CSMD1: variants seen among roughly 807,000 people sequenced by gnomAD.
The protein encoded by CSMD1 is CUB and Sushi multiple domains 1.
Under a neutral mutation model 417.5 loss-of-function variants are expected in CSMD1, and 213 were observed. The ratio of observed to expected loss-of-function variants is 0.51; its 90% CI spans 0.46 to 0.57. The LOEUF (loss-of-function observed/expected upper bound fraction) is 0.57. Among genes scored for constraint, CSMD1 ranks in the 20% least tolerant of loss-of-function variants. The pLI is 0.00. For synonymous variants in CSMD1, 2,862 were observed against 1,736.8 expected, an observed-to-expected ratio of 1.65 and a Z score of -16.11; for missense variants, 6,923 against 4,529.7, an observed-to-expected ratio of 1.53 and a Z score of -15.17.
intron 2 of CSMD1, among the ~76,000 whole-genome samples, chr8:4,542,120 A>C (rs1232563988): frequency 6.6e-6 from 1 of 151,974 alleles, no homozygotes. Context: ...CAATGAACTC[A>C]ACAGTTTGGG....
At chr8:4,031,824 A>G (rs1189716453) in intron 4 of CSMD1, 81 bp downstream of exon 4, 2 of 1,077,302 alleles carry the variant, frequency 1.9e-6, no homozygotes, top group Non-Finnish European at 2.6e-6. Context: ...TTTTCATTTA[A>G]GTGGAAACTT....
intron 3 of CSMD1, among the ~76,000 whole-genome samples, chr8:4,311,170 A>T (rs1266885119): frequency 6.6e-6 from 1 of 152,176 alleles, no homozygotes; most frequent in East Asian, 1.9e-4. Context: ...GTGGAATATA[A>T]ATCATTCCAC....
chr8:4,084,304 G>A (rs1228492758), intron 3 of CSMD1, among the ~76,000 whole-genome samples: 2 of 145,240 alleles, frequency 1.4e-5, no homozygotes, highest in African/African-American at 5.1e-5. Context: ...TATGAAAAAA[G>A]TGACAAAAAA....
intron 5 of CSMD1, among the ~76,000 whole-genome samples, chr8:3,850,006 T>TGTTGGCCAC (rs113153454): frequency 0.25 from 37,754 of 151,674 alleles, 5,739 homozygotes; most frequent in African/African-American, 0.44. Context: ...AGTTTCACGA[T>TGTTGGCCAC]GTTGGTCTCA....
intron 1 of CSMD1, among the ~76,000 whole-genome samples, chr8:4,899,891 G>T (rs1804755347): frequency 6.6e-6 from 1 of 152,156 alleles, no homozygotes; most frequent in Non-Finnish European, 1.5e-5. Context: ...AAGCCTTTCA[G>T]CTGCTCTGTC....
At chr8:3,670,625 T>C (rs888016773) in intron 7 of CSMD1, among the ~76,000 whole-genome samples, 1 of 148,414 alleles carries the variant, frequency 6.7e-6, no homozygotes, top group Non-Finnish European at 1.5e-5. Context: ...GGGATATATA[T>C]ATGGGATATT....
At chr8:3,660,637 C>A (rs1016292680) in intron 7 of CSMD1, among the ~76,000 whole-genome samples, 1 of 151,488 alleles carries the variant, frequency 6.6e-6, no homozygotes, top group African/African-American at 2.4e-5. Context: ...TCTCCTACCT[C>A]AGCCTCCTGA....
At chr8:3,074,294 C>T (rs1027482748) in intron 49 of CSMD1, among the ~76,000 whole-genome samples, 5 of 152,156 alleles carry the variant, frequency 3.3e-5, no homozygotes, top group Admixed American at 2.6e-4. Context: ...CTAGAAGAGC[C>T]CGTCTGGTGA....
Position 4,145,398 on chromosome 8 carries a change from G to C in CSMD1, c.416-113299C>G, listed in dbSNP as rs75548022. 4.4e-3 allele frequency among the ~76,000 whole-genome samples: 660 copies of C among 151,102 alleles called. 5 individuals are homozygous for C. Among genetic ancestry groups the C allele is most frequent in the Non-Finnish European group, 7.0e-3 (474 of 68,026 alleles). ...AACATTATATACTATAGTCTTCTTT[G>C]GGCAATTGTGACTTAATCTGGGAAA... is the stretch of plus-strand genomic sequence containing the variant. On this transcript the variant is annotated intron_variant, in intron 3 of 69. Coordinates refer to ENST00000635120, the MANE Select transcript of CSMD1 (RefSeq NM_033225.6).
intron 5 of CSMD1, among the ~76,000 whole-genome samples, chr8:3,810,830 C>G (rs1194857465): frequency 6.6e-6 from 1 of 152,128 alleles, no homozygotes; most frequent in East Asian, 1.9e-4. Flanking sequence ...ACACAAAATT[C>G]AAAGATGGGG....
intron 51 of CSMD1, among the ~76,000 whole-genome samples, chr8:3,027,274 C>T (rs975253657): frequency 2.0e-5 from 3 of 152,158 alleles, no homozygotes; most frequent in African/African-American, 7.2e-5. Flanking sequence ...ACACTGCATT[C>T]CCTGGTGTGG....
intron 3 of CSMD1, among the ~76,000 whole-genome samples, chr8:4,164,380 G>C (rs529923446): frequency 6.6e-6 from 1 of 152,208 alleles, no homozygotes; most frequent in South Asian, 2.1e-4. Context: ...GTTGGACAGA[G>C]AACACTTACA....
chr8:3,862,002 C>G (rs1804743795), intron 5 of CSMD1, among the ~76,000 whole-genome samples: 1 of 152,176 alleles, frequency 6.6e-6, no homozygotes, highest in South Asian at 2.1e-4. Flanking sequence ...TGTGGAACAT[C>G]TAAAACCAAC....
At chr8:4,676,814 G>C (rs2130963398) in intron 1 of CSMD1, among the ~76,000 whole-genome samples, 2 of 151,680 alleles carry the variant, frequency 1.3e-5, no homozygotes, top group East Asian at 1.9e-4. Context: ...TTATAAAATG[G>C]CTTTGAATGT....
chr8:2,963,447 G>A (rs2128927089), intron 59 of CSMD1, 52 bp from the exon 60 acceptor site: 1 of 1,570,962 alleles, frequency 6.4e-7, no homozygotes, highest in Middle Eastern at 1.7e-4. Flanking sequence ...CGCTGCAGCG[G>A]TGATGTTCAA....
At chr8:4,637,757 G>A (rs1033619669) in intron 1 of CSMD1, among the ~76,000 whole-genome samples, 199 bp from the exon 2 acceptor site, 10 of 139,338 alleles carry the variant, frequency 7.2e-5, no homozygotes, top group East Asian at 2.3e-4. Flanking sequence ...TGCAAGCTCC[G>A]CTTCCCGGGT....
chr8:3,982,487 G>A (rs1385603233), intron 5 of CSMD1, among the ~76,000 whole-genome samples: 2 of 151,928 alleles, frequency 1.3e-5, no homozygotes, highest in African/African-American at 2.4e-5. Context: ...ACTCCATAAG[G>A]ACCAGAAAAA....
At chr8:3,960,000 T>C (rs961677992) in intron 5 of CSMD1, among the ~76,000 whole-genome samples, 2 of 152,228 alleles carry the variant, frequency 1.3e-5, no homozygotes, top group African/African-American at 4.8e-5. Flanking sequence ...TCACAGTATG[T>C]GCGTGAAGCT....
At chr8:4,747,181 C>T (rs897477691) in intron 1 of CSMD1, among the ~76,000 whole-genome samples, 5 of 152,130 alleles carry the variant, frequency 3.3e-5, no homozygotes, top group African/African-American at 7.2e-5. Flanking sequence ...GGAAAGGAGT[C>T]CTTGTTTTCT....
Sources: gnomAD v4.1 joint callset for allele counts (sites outside exome capture counted in the v4.1 genomes callset) on GRCh38, gnomAD v4.1.1 for gene constraint, MANE v1.5 for transcripts, NCBI Gene and HGNC (gene_info 2026-07-23, HGNC 2026-07-21) for gene names.